The following ATR variants were observed in gnomAD, a reference collection of about 807,000 sequenced individuals.
ATR encodes the protein serine/threonine-protein kinase ATR.
In ATR, 142 loss-of-function variants were observed where a neutral mutation model predicts 305.3. The ratio of observed to expected loss-of-function variants is 0.47; its 90% CI spans 0.41 to 0.53. The LOEUF (loss-of-function observed/expected upper bound fraction) is 0.53. ATR is among the 20% of genes least tolerant of loss of function. The pLI, the probability that ATR is intolerant of heterozygous loss-of-function variation, is 0.00. For synonymous variants in ATR, 1,050 were observed against 1,068.1 expected (o/e 0.98, Z 0.33); for missense variants, 2,135 against 3,133.1 (o/e 0.68, Z 7.60).
intron 36 of ATR, 56 bp from the exon 37 acceptor site, chr3:142,470,239 C>T (rs995064003): frequency 6.1e-5 from 83 of 1,369,568 alleles, no homozygotes; most frequent in Non-Finnish European, 7.6e-5. Context: ...TTATATTATA[C>T]GAATTAAAAT....
chr3:142,481,798 T>C (rs1368397296), intron 36 of ATR, among the ~76,000 whole-genome samples: 2 of 152,014 alleles, frequency 1.3e-5, no homozygotes, highest in Non-Finnish European at 2.9e-5. Context: ...CCATATCTGA[T>C]ATTTACTACA....
chr3:142,506,478 G>T (rs1292549742), intron 28 of ATR, among the ~76,000 whole-genome samples: 2 of 152,088 alleles, frequency 1.3e-5, no homozygotes, highest in Admixed American at 1.3e-4. Context: ...CAGATCACTT[G>T]AGGTCAGGAG....
chr3:142,575,349 G>A (rs1577725699), intron 1 of ATR, among the ~76,000 whole-genome samples: 1 of 151,788 alleles, frequency 6.6e-6, no homozygotes, highest in East Asian at 1.9e-4. Flanking sequence ...GCTCGGTGGT[G>A]CAAGCCTGTA....
intron 46 of ATR, chr3:142,452,097 T>C: frequency 9.8e-7 from 1 of 1,020,690 alleles, no homozygotes. Flanking sequence ...TTAGTTCTTT[T>C]AGAAGAACTA....
At chr3:142,496,570 A>G (rs1361276917) in intron 33 of ATR, 50 bp from the exon 34 acceptor site, 3 of 1,564,268 alleles carry the variant, frequency 1.9e-6, no homozygotes, top group Non-Finnish European at 2.6e-6. Context: ...GTAAGTGTAC[A>G]CAACAACTTA....
chr3:142,468,984 C>CTGTT (rs1455417773), intron 38 of ATR, among the ~76,000 whole-genome samples: 1 of 151,992 alleles, frequency 6.6e-6, no homozygotes, highest in African/African-American at 2.4e-5. Context: ...GAGAAAGATC[C>CTGTT]TGTTTCTTAA....
intron 1 of ATR, among the ~76,000 whole-genome samples, chr3:142,576,806 G>GATT (rs985450519): frequency 6.6e-6 from 1 of 152,130 alleles, no homozygotes; most frequent in African/African-American, 2.4e-5. Context: ...CATTTAGCAA[G>GATT]ATTATGCAGA....
Position 142,505,270 on chromosome 3 carries a change from C to A in ATR, c.5065G>T (p.Val1689Leu), listed in dbSNP as rs2108356016. The change falls in exon 29 of 47, where the codon GTG becomes TTG. Residue 1689 changes from valine to leucine, a missense_variant. Around this residue, in one of 9 missense-constraint regions of ATR, gnomAD observed 45 missense variants for 80.4 expected, o/e 0.56. Transcript: ENST00000350721. The part of the protein sequence containing the change: ...LYAAMHEPDG[V>L]AGVSAIRKAE... ...TTTCTAATTGCACTGACTCCGGCCACTCCATCAGGTTCATGCATAGCAGCA... is the reference window on the plus strand; with the variant it reads ...TTTCTAATTGCACTGACTCCGGCCAATCCATCAGGTTCATGCATAGCAGCA... 6.2e-7 allele frequency: 1 copy of A among 1,614,072 alleles called. No individual in the cohort carries two copies.
At chr3:142,535,013 G>T (rs2108423748) in intron 21 of ATR, 67 bp downstream of exon 21, 1 of 1,494,136 alleles carries the variant, frequency 6.7e-7, no homozygotes, top group Admixed American at 1.9e-5. Context: ...ATGTCATTTT[G>T]TCATCTTTTC....
At chr3:142,463,709 T>A (rs1008760024) in intron 41 of ATR, among the ~76,000 whole-genome samples, 2 of 152,198 alleles carry the variant, frequency 1.3e-5, no homozygotes, top group East Asian at 3.8e-4. Context: ...AAATAAAAAA[T>A]AATCCTCCTT....
intron 2 of ATR, among the ~76,000 whole-genome samples, chr3:142,566,902 C>T (rs2035094248): frequency 6.6e-6 from 1 of 152,022 alleles, no homozygotes; most frequent in South Asian, 2.1e-4. Context: ...TGCCACCACA[C>T]CCAGCTAATT....
In ATR at chr3:142,513,678, A is replaced by G. The variant is rs746994728; in HGVS notation, c.4504-40T>C. The G allele has an allele frequency of 4.4e-6, 7 of 1,597,232 alleles. No individual in the cohort carries two copies. In the South Asian group the frequency reaches 5.5e-5, roughly 13 times the overall value. ...TGTGTAGACAGTAACACACTTTCAC[A>G]TATTGATTAAATGTCAAAGAGTAGC... On this transcript the variant is annotated intron_variant, in intron 25 of 46. Transcript: ENST00000350721.
chr3:142,538,500 T>C lies in ATR; in HGVS notation c.3707A>G (p.Tyr1236Cys), dbSNP rs2033936963. The C allele has an allele frequency of 6.2e-7, 1 of 1,612,590 alleles. No homozygotes were observed. The highest frequency in any genetic ancestry group is 1.3e-5 in the African/African-American group (1 of 74,846). ...QPKETAAIFH[Y>C]LIIENRDAVQ... The stretch of plus-strand genomic sequence containing the variant: ...ACAATACCTGTTTTCAATTATGAGG[T>C]AGTGGAAGATAGCTGCAGTTTCTTT... Residue 1236 changes from tyrosine to cysteine, a missense_variant, in exon 19 of 47, where the codon TAC (tyrosine) becomes TGC (cysteine). Coordinates refer to ENST00000350721, the MANE Select transcript of ATR (RefSeq NM_001184.4).
rs768596078 is a variant in ATR at position 142,508,049 on chromosome 3, T to C, written c.4913A>G (p.Gln1638Arg). ...AAAGGAAGCTACTGCCAGAGTATCC[T>C]GGGGTATGAGGTCTAGAAAACGGGT... ...SVTRFLDLIPQDTLAVASFRS... is the reference protein window; with the variant it reads ...SVTRFLDLIPRDTLAVASFRS... The change falls in exon 28 of 47, where the codon CAG (glutamine) becomes CGG (arginine). Residue 1638 changes from glutamine (Q) to arginine (R), a missense_variant. By Grantham distance (43) the Gln-to-Arg change is conservative. Coordinates refer to ENST00000350721, the MANE Select transcript of ATR (RefSeq NM_001184.4). 1.9e-6 allele frequency: 3 copies of C among 1,613,296 alleles called. No individual in the cohort carries two copies.
At chr3:142,564,487 A>C (rs1366582718) in intron 3 of ATR, among the ~76,000 whole-genome samples, 1 of 152,230 alleles carries the variant, frequency 6.6e-6, no homozygotes. Context: ...TCCAAAGTAA[A>C]ATAAATGTTC....
At chr3:142,540,645 G>A (rs1274544149) in intron 18 of ATR, among the ~76,000 whole-genome samples, 1 of 151,930 alleles carries the variant, frequency 6.6e-6, no homozygotes, top group Non-Finnish European at 1.5e-5. Context: ...AAAAAAACTA[G>A]CAATGTTGAT....
chr3:142,557,052 G>A (rs1001441857), intron 8 of ATR, among the ~76,000 whole-genome samples: 2 of 151,998 alleles, frequency 1.3e-5, no homozygotes, highest in African/African-American at 4.8e-5. Context: ...AGGTAAAAAC[G>A]TTAAAATAAT....
intron 13 of ATR, among the ~76,000 whole-genome samples, chr3:142,550,654 T>A (rs2034440451): frequency 6.6e-6 from 1 of 152,208 alleles, no homozygotes. Flanking sequence ...CTAAAAAGTC[T>A]ATACACCATT....
intron 1 of ATR, among the ~76,000 whole-genome samples, chr3:142,578,378 C>A (rs553032323): frequency 6.6e-6 from 1 of 152,326 alleles, no homozygotes; most frequent in South Asian, 2.1e-4. Context: ...AGCAAACTCT[C>A]GATCGGGGTG....
Sources: allele counts gnomAD v4.1 joint callset (sites outside exome capture counted in the v4.1 genomes callset), GRCh38; gene constraint gnomAD v4.1.1; regional missense constraint gnomAD v4.1.1; transcripts MANE v1.5; gene names NCBI Gene and HGNC (gene_info 2026-07-23, HGNC 2026-07-21).